PEX5: variants seen among roughly 807,000 people sequenced by gnomAD.
PEX5 encodes the protein peroxisomal biogenesis factor 5, also known as PTS1 receptor.
A neutral mutation model predicts 82.9 loss-of-function variants in PEX5; 52 were observed. The ratio of observed to expected loss-of-function variants is 0.63; its 90% CI spans 0.50 to 0.79. PEX5 has a LOEUF of 0.79. PEX5 is among the 30% of genes least tolerant of loss of function. The pLI, the probability that PEX5 is intolerant of heterozygous loss-of-function variation, is 0.00. For synonymous variants in PEX5, 300 were observed against 318.8 expected, an observed-to-expected ratio of 0.94 and a Z score of 0.63; for missense variants, 719 against 815.2, an observed-to-expected ratio of 0.88 and a Z score of 1.44.
At chr12:7,197,814 A>G (rs1243214852) in intron 5 of PEX5, among the ~76,000 whole-genome samples, 1 of 152,120 alleles carries the variant, frequency 6.6e-6, no homozygotes, top group African/African-American at 2.4e-5. Flanking sequence ...ACCCCTGCCC[A>G]AATGTCCCTC....
upstream of PEX5, chr12:7,189,354 G>T (rs1405731939): frequency 1.3e-5 from 2 of 152,230 alleles, no homozygotes; most frequent in African/African-American, 4.8e-5. Context: ...GTCACAATGC[G>T]CCCAAGGGAA....
intron 5 of PEX5, among the ~76,000 whole-genome samples, chr12:7,191,919 A>G (rs1295334499): frequency 2.0e-5 from 3 of 152,104 alleles, no homozygotes; most frequent in Non-Finnish European, 4.4e-5. Context: ...TTGGATAGAG[A>G]GAACGAAGAG....
Position 7,191,561 on chromosome 12 carries a change from C to G in PEX5, c.317-8C>G. On this transcript the variant is annotated splice_polypyrimidine_tract_variant and splice_region_variant and intron_variant, in intron 4 of 15. Transcript: ENST00000675855. ...TTCTTTCTTAGTTTTCTCTCTCTCT[C>G]TTTTAAGCCCCTGGTGTGGCAGACT... 6.2e-7 allele frequency: 1 copy of G among 1,613,934 alleles called. No individual in the cohort carries two copies. Among genetic ancestry groups the G allele is most frequent in the South Asian group, 1.1e-5 (1 of 91,066 alleles).
chr12:7,216,855 C>T (rs1945794315), intron 17 of PEX5, among the ~76,000 whole-genome samples: 1 of 152,056 alleles, frequency 6.6e-6, no homozygotes, highest in African/African-American at 2.4e-5. Context: ...AGTAAGATTT[C>T]CTTTATTTCC....
intron 6 of PEX5, 94 bp downstream of exon 6, chr12:7,199,207 T>TTA: frequency 5.7e-5 from 31 of 541,908 alleles, no homozygotes; most frequent in East Asian, 9.7e-5. Flanking sequence ...ACTTACTTTA[T>TTA]TCTTTTTTTT....
chr12:7,214,191 A>C (rs1945711563), downstream of PEX5, among the ~76,000 whole-genome samples: 1 of 152,198 alleles, frequency 6.6e-6, no homozygotes, highest in Non-Finnish European at 1.5e-5. Context: ...TAGAACTAGA[A>C]ATACCATTTG....
At chr12:7,214,086 A>G (rs1191078804), downstream of PEX5, among the ~76,000 whole-genome samples, 1 of 152,208 alleles carries the variant, frequency 6.6e-6, no homozygotes, top group Non-Finnish European at 1.5e-5. Context: ...GGTGCTGGAC[A>G]GGATGTGGAG....
chr12:7,197,417 AT>A (rs71067161), intron 5 of PEX5, among the ~76,000 whole-genome samples: 50,578 of 101,258 alleles, frequency 0.5, 16,831 homozygotes, highest in Admixed American at 0.69. Flanking sequence ...ATACAATGTA[AT>A]TATATGTCAT....
At chr12:7,215,871 C>G (rs1052303524), downstream of PEX5, among the ~76,000 whole-genome samples, 3 of 152,010 alleles carry the variant, frequency 2.0e-5, no homozygotes, top group Non-Finnish European at 2.9e-5. Flanking sequence ...ATGTGTACTT[C>G]AGAACCTGGA....
chr12:7,214,171 C>T, downstream of PEX5, among the ~76,000 whole-genome samples: 1 of 152,146 alleles, frequency 6.6e-6, no homozygotes, highest in South Asian at 2.1e-4. Flanking sequence ...GTGGTGATTC[C>T]TCAGGGATCT....
chr12:7,203,576 C>A (rs1175800200), intron 10 of PEX5, 25 bp downstream of exon 10: 1 of 1,607,144 alleles, frequency 6.2e-7, no homozygotes, highest in East Asian at 2.2e-5. Context: ...CTTAGTTTTT[C>A]AGGTTCCAGA....
At chr12:7,208,181 T>G (rs983691468) in intron 12 of PEX5, 101 bp downstream of exon 12, 5 of 898,178 alleles carry the variant, frequency 5.6e-6, no homozygotes, top group African/African-American at 1.6e-5. Context: ...TCTTTCTGAG[T>G]GCTATCAAGA....
At chr12:7,190,220 G>C in intron 1 of PEX5, 142 bp from the exon 2 acceptor site, 1 of 1,580,376 alleles carries the variant, frequency 6.3e-7, no homozygotes, top group Non-Finnish European at 8.6e-7. Context: ...GGCAGAGGTG[G>C]GGGTCGCAGC....
chr12:7,191,007 A>G (rs1940994147), intron 3 of PEX5, 84 bp downstream of exon 3: 7 of 1,390,494 alleles, frequency 5.0e-6, no homozygotes, highest in South Asian at 1.2e-5. Flanking sequence ...CCGTATTTCA[A>G]TTTTTGGGCT....
At chr12:7,212,720 T>C (rs1325249414), downstream of PEX5, 1 of 152,326 alleles carries the variant, frequency 6.6e-6, no homozygotes, top group Non-Finnish European at 1.5e-5. Context: ...GGGGAGATCA[T>C]ACTTCTCTGT....
chr12:7,217,610 ATTAT>A (rs1414038881), intron 17 of PEX5, among the ~76,000 whole-genome samples: 2 of 152,202 alleles, frequency 1.3e-5, no homozygotes, highest in African/African-American at 2.4e-5. Context: ...GTCAAAACAA[ATTAT>A]TTATTTTACA....
chr12:7,195,033 A>G (rs1941840624), intron 5 of PEX5, among the ~76,000 whole-genome samples: 1 of 152,226 alleles, frequency 6.6e-6, no homozygotes, highest in Admixed American at 6.5e-5. Flanking sequence ...TGCACAGTGA[A>G]TAAGTGATGG....
intron 9 of PEX5, 52 bp from the exon 10 acceptor site, chr12:7,203,380 T>C (rs1944381746): frequency 6.4e-7 from 1 of 1,571,462 alleles, no homozygotes; most frequent in East Asian, 2.3e-5. Context: ...GAGTGTGGGG[T>C]GGGGTGGTCA....
chr12:7,209,878 T>A, intron 15 of PEX5, 38 bp downstream of exon 15: 8 of 1,613,330 alleles, frequency 5.0e-6, no homozygotes, highest in Non-Finnish European at 6.8e-6. Context: ...AATGAGCTTT[T>A]TCTCCCTGCC....
Sources: allele counts gnomAD v4.1 joint callset (sites outside exome capture counted in the v4.1 genomes callset), GRCh38; gene constraint gnomAD v4.1.1; transcripts MANE v1.5; gene names NCBI Gene and HGNC (gene_info 2026-07-23, HGNC 2026-07-21).